Variants in SNTG1 observed in about 807,000 individuals in gnomAD.
The protein encoded by SNTG1 is gamma-1-syntrophin.
In SNTG1, 39 loss-of-function variants were observed where a neutral mutation model predicts 74.7. The ratio of observed to expected loss-of-function variants is 0.52; its 90% CI spans 0.40 to 0.68. SNTG1 has a LOEUF of 0.68. Ranked by LOEUF, SNTG1 falls within the 30% of genes least tolerant of loss-of-function variation. The pLI is 0.00. For synonymous variants in SNTG1, 254 were observed against 217.1 expected, an observed-to-expected ratio of 1.17 and a Z score of -1.49; for missense variants, 685 against 609.5, an observed-to-expected ratio of 1.12 and a Z score of -1.30.
At chr8:50,451,758 T>C (rs1468164374) in intron 8 of SNTG1, among the ~76,000 whole-genome samples, 1 of 151,946 alleles carries the variant, frequency 6.6e-6, no homozygotes, top group Non-Finnish European at 1.5e-5. Context: ...GGAACTTCTG[T>C]TGGGGGTGGT....
rs1387041205 is a variant in SNTG1, at chr8:50,553,189, G to C, written c.810+10G>C. 6.2e-7 allele frequency: 1 copy of C among 1,613,508 alleles called. No individual in the cohort carries two copies. The highest frequency in any genetic ancestry group is 1.1e-5 in the South Asian group (1 of 91,070). ...TCTCACAAAGCACAATGTAAGTAAT[G>C]ATTCAAGGAATACCTAGCCAGGGTT... On this transcript the variant is annotated intron_variant, in intron 12 of 18. Transcript: ENST00000642720.
At chr8:50,198,092 G>A (rs2083845745) in intron 2 of SNTG1, among the ~76,000 whole-genome samples, 2 of 151,994 alleles carry the variant, frequency 1.3e-5, no homozygotes, top group East Asian at 1.9e-4. Flanking sequence ...TTCAGAATGA[G>A]CCCCATATCA....
intron 9 of SNTG1, among the ~76,000 whole-genome samples, chr8:50,509,245 A>G (rs2094041038): frequency 1.3e-5 from 2 of 152,014 alleles, no homozygotes; most frequent in Admixed American, 1.3e-4. Flanking sequence ...ATGCAGCATT[A>G]TTTCTGAGGG....
At position 50,097,297 on chromosome 8, in the gene SNTG1, G is replaced by C. The variant is rs186488012; in HGVS notation, c.-102-75264G>C. Among the ~76,000 whole-genome samples the C allele has an allele frequency of 1.4e-3, 216 of 151,220 alleles. 2 individuals carry two copies. Among genetic ancestry groups the C allele is most frequent in the African/African-American group, 5.0e-3 (208 of 41,192 alleles). On this transcript the variant is annotated intron_variant, in intron 1 of 18. Transcript: ENST00000642720. ...AATAATTATGTGTAGATGCTTAGTTGTGAATTTGATATAGTCCATGTTGAA... is the reference window on the plus strand; with the variant it reads ...AATAATTATGTGTAGATGCTTAGTTCTGAATTTGATATAGTCCATGTTGAA...
chr8:50,604,527 C>G (rs1018833822), intron 13 of SNTG1, among the ~76,000 whole-genome samples: 1 of 152,154 alleles, frequency 6.6e-6, no homozygotes, highest in Non-Finnish European at 1.5e-5. Flanking sequence ...CTTTTCCCTC[C>G]CCTTTTTACA....
At chr8:50,526,706 C>T (rs981794515) in intron 9 of SNTG1, among the ~76,000 whole-genome samples, 1 of 151,672 alleles carries the variant, frequency 6.6e-6, no homozygotes, top group Non-Finnish European at 1.5e-5. Context: ...CTCATTGCAA[C>T]CTCTGCCTCC....
At chr8:49,950,188 A>C (rs1182122754) in intron 1 of SNTG1, among the ~76,000 whole-genome samples, 5 of 152,230 alleles carry the variant, frequency 3.3e-5, no homozygotes, top group Non-Finnish European at 7.3e-5. Flanking sequence ...GAAAGTTCAA[A>C]GGACAACTTA....
chr8:50,141,896 G>T (rs2081670306), intron 1 of SNTG1, among the ~76,000 whole-genome samples: 1 of 151,804 alleles, frequency 6.6e-6, no homozygotes, highest in Non-Finnish European at 1.5e-5. Flanking sequence ...AATAAAAGCT[G>T]GGCATATATA....
chr8:50,462,794 CTCTTTTTTTTTTTTTTTTT>C (rs2093576783), intron 8 of SNTG1, among the ~76,000 whole-genome samples: 7 of 43,628 alleles, frequency 1.6e-4, no homozygotes, highest in East Asian at 9.4e-4. Context: ...TCAGGTTCTA[CTCTTTTTTTTTTTTTTTTT>C]TTTTTTTTTT....
chr8:50,601,737 T>A (rs189567425), intron 13 of SNTG1, among the ~76,000 whole-genome samples: 73 of 152,320 alleles, frequency 4.8e-4, no homozygotes, highest in African/African-American at 1.6e-3. Flanking sequence ...TGTGTAGCTA[T>A]TCTTGTATTG....
At chr8:50,531,128 C>T (rs1184127591) in intron 10 of SNTG1, among the ~76,000 whole-genome samples, 1 of 152,122 alleles carries the variant, frequency 6.6e-6, no homozygotes, top group Non-Finnish European at 1.5e-5. Context: ...TCTTTTTGAA[C>T]ATCTTCAGTC....
At chr8:50,401,147 T>C (rs1053917659) in intron 3 of SNTG1, among the ~76,000 whole-genome samples, 1 of 152,132 alleles carries the variant, frequency 6.6e-6, no homozygotes, top group African/African-American at 2.4e-5. Flanking sequence ...CCCATATATA[T>C]ATTCCACTAT....
At chr8:50,412,252 T>C (rs2092958645) in intron 4 of SNTG1, among the ~76,000 whole-genome samples, 1 of 152,184 alleles carries the variant, frequency 6.6e-6, no homozygotes, top group Non-Finnish European at 1.5e-5. Flanking sequence ...GAGATTTTCT[T>C]TATACATATA....
intron 11 of SNTG1, among the ~76,000 whole-genome samples, chr8:50,550,839 C>G (rs1282620818): frequency 2.0e-5 from 3 of 151,966 alleles, no homozygotes; most frequent in Non-Finnish European, 2.9e-5. Flanking sequence ...TTTTGTTTAT[C>G]TTGAGTTAAA....
chr8:50,773,578 T>C (rs1026677717), intron 18 of SNTG1, among the ~76,000 whole-genome samples: 2 of 152,076 alleles, frequency 1.3e-5, no homozygotes, highest in African/African-American at 4.8e-5. Flanking sequence ...ATAGTCTGTT[T>C]CCTATCAGTG....
chr8:50,113,941 T>G (rs919301476), intron 1 of SNTG1, among the ~76,000 whole-genome samples: 4 of 151,390 alleles, frequency 2.6e-5, no homozygotes, highest in African/African-American at 9.7e-5. Context: ...AATAAATAAA[T>G]AAATAAATAA....
At chr8:50,776,405 T>C (rs1008637640) in intron 18 of SNTG1, among the ~76,000 whole-genome samples, 13 of 147,294 alleles carry the variant, frequency 8.8e-5, no homozygotes, top group African/African-American at 2.9e-4. Context: ...TTTTATAATA[T>C]ATAATATATT....
chr8:50,048,025 C>G (rs1316581831), intron 1 of SNTG1, among the ~76,000 whole-genome samples: 2 of 151,878 alleles, frequency 1.3e-5, no homozygotes, highest in African/African-American at 4.8e-5. Flanking sequence ...ATTTGAGAAC[C>G]TGGCACAAAT....
chr8:49,917,067 G>C (rs1806111431), intron 1 of SNTG1, among the ~76,000 whole-genome samples: 1 of 151,864 alleles, frequency 6.6e-6, no homozygotes, highest in South Asian at 2.1e-4. Context: ...TCTTTTCAAG[G>C]GGTGAGAAAT....
Sources: allele counts gnomAD v4.1 joint callset (sites outside exome capture counted in the v4.1 genomes callset), GRCh38; gene constraint gnomAD v4.1.1; transcripts MANE v1.5; gene names NCBI Gene and HGNC (gene_info 2026-07-23, HGNC 2026-07-21).